Variants in DLGAP2 observed in about 807,000 individuals in gnomAD.
The protein encoded by DLGAP2 is disks large-associated protein 2.
In DLGAP2, 26 loss-of-function variants were observed where a neutral mutation model predicts 100.3. The ratio of observed to expected loss-of-function variants is 0.26; its 90% confidence interval spans 0.19 to 0.36. The LOEUF is 0.36. Among genes scored for constraint, DLGAP2 ranks in the 10% least tolerant of loss-of-function variants. The pLI, the probability that DLGAP2 is intolerant of heterozygous loss-of-function variation, is 1.00. For synonymous variants in DLGAP2, 886 were observed against 630.1 expected, an observed-to-expected ratio of 1.41 and a Z score of -6.08; for missense variants, 1,858 against 1,453.2, an observed-to-expected ratio of 1.28 and a Z score of -4.53.
chr8:851,678 C>G (rs1251613472), intron 1 of DLGAP2, among the ~76,000 whole-genome samples: 2 of 152,148 alleles, frequency 1.3e-5, no homozygotes, highest in Non-Finnish European at 2.9e-5. Flanking sequence ...AGATCAAGTG[C>G]CAGAAAGCAT....
At chr8:1,424,167 C>G (rs1252866363) in intron 3 of DLGAP2, among the ~76,000 whole-genome samples, 1 of 152,226 alleles carries the variant, frequency 6.6e-6, no homozygotes, top group Non-Finnish European at 1.5e-5. Context: ...GCAGCTATTT[C>G]TCTCTTTCAC....
chr8:1,032,501 C>G (rs931453986), intron 2 of DLGAP2: 1 of 152,236 alleles, frequency 6.6e-6, no homozygotes, highest in Non-Finnish European at 1.5e-5. Flanking sequence ...GACATGTTGG[C>G]TACATATTAC....
chr8:1,039,973 C>T (rs35040046), intron 2 of DLGAP2, among the ~76,000 whole-genome samples: 34,903 of 136,208 alleles, frequency 0.26, 4,254 homozygotes, highest in Non-Finnish European at 0.32. Context: ...TGTGCGTGGT[C>T]GGCTCGGTGT....
intron 4 of DLGAP2, among the ~76,000 whole-genome samples, chr8:1,547,472 G>A (rs558160328): frequency 3.5e-4 from 54 of 152,204 alleles, no homozygotes; most frequent in Non-Finnish European, 6.2e-4. Context: ...CAAGGAGGAG[G>A]GTCTGGGGCA....
chr8:1,480,214 G>A (rs1417947826), intron 3 of DLGAP2, among the ~76,000 whole-genome samples: 1 of 152,104 alleles, frequency 6.6e-6, no homozygotes, highest in Non-Finnish European at 1.5e-5. Context: ...AGGAAACGTG[G>A]GGCTAGATGT....
chr8:1,223,159 C>T (rs1273852086), intron 2 of DLGAP2, among the ~76,000 whole-genome samples: 14 of 152,194 alleles, frequency 9.2e-5, no homozygotes, highest in African/African-American at 2.9e-4. Context: ...CCTTAGTCCT[C>T]CCCTAGGAGT....
intron 2 of DLGAP2, among the ~76,000 whole-genome samples, chr8:1,127,046 G>A (rs116264531): frequency 1.3e-5 from 2 of 148,948 alleles, no homozygotes; most frequent in African/African-American, 5.0e-5. Context: ...CTCTTAAACG[G>A]TCCATCTGCT....
chr8:1,678,769 C>A (rs982649336), intron 12 of DLGAP2, 140 bp downstream of exon 12: 3 of 877,930 alleles, frequency 3.4e-6, no homozygotes, highest in East Asian at 3.0e-5. Context: ...TAGTATATCC[C>A]CCTCAATTCT....
At chr8:1,632,750 G>T in intron 7 of DLGAP2, 77 bp from the exon 8 acceptor site, 1 of 1,416,748 alleles carries the variant, frequency 7.1e-7, no homozygotes, top group Non-Finnish European at 9.6e-7. Context: ...GGGAATGAGC[G>T]CGCTCTCCTG....
intron 2 of DLGAP2, among the ~76,000 whole-genome samples, chr8:1,025,075 T>C (rs1361261241): frequency 6.6e-6 from 1 of 151,898 alleles, no homozygotes; most frequent in Non-Finnish European, 1.5e-5. Flanking sequence ...TGTGTGTGCA[T>C]GTGTGTGTGC....
chr8:1,407,825 G>A lies in DLGAP2; in HGVS notation c.107-93541G>A, dbSNP rs1208283747. ...GTCGTGTATTGAGTGCTTACTGAGC[G>A]CCACCTCCTCATCCTCCGGAGTCGT... On this transcript the variant is annotated intron_variant, in intron 3 of 14. Transcript: ENST00000637795. Among the ~76,000 whole-genome samples the A allele has an allele frequency of 6.2e-5, 9 of 144,342 alleles. No homozygotes were observed. In the South Asian group the frequency reaches 6.7e-4, roughly 11 times the overall value. 94.7% of individuals were successfully genotyped at this position (144,342 alleles called of 152,430 possible). A position where few individuals can be genotyped will look rare whatever the true frequency, so the allele number is the denominator to read the frequency against.
At position 1,554,921 on chromosome 8, in the gene DLGAP2, A is replaced by C. The variant is rs1302815662; in HGVS notation, c.1230+5238A>C. ...TCTCTGTATTTGTAGTTTTAGGGGCAAAAGAGGGAGAAAGGAGATTGCTGT... is the reference window on the plus strand; with the variant it reads ...TCTCTGTATTTGTAGTTTTAGGGGCCAAAGAGGGAGAAAGGAGATTGCTGT... On this transcript the variant is annotated intron_variant, in intron 5 of 14. Transcript: ENST00000637795. 2.8e-4 allele frequency among the ~76,000 whole-genome samples: 42 copies of C among 152,216 alleles called. 1 individual carries two copies. Among genetic ancestry groups the C allele is most frequent in the Admixed American group, 2.7e-3 (41 of 15,288 alleles).
At chr8:1,097,272 G>T (rs1414297863) in intron 2 of DLGAP2, among the ~76,000 whole-genome samples, 5 of 134,078 alleles carry the variant, frequency 3.7e-5, no homozygotes, top group African/African-American at 1.5e-4. Context: ...AGCTCCCTCT[G>T]CTCAGGAGAG....
At chr8:1,193,809 A>G (rs570217885) in intron 2 of DLGAP2, among the ~76,000 whole-genome samples, 87 of 151,636 alleles carry the variant, frequency 5.7e-4, no homozygotes, top group Non-Finnish European at 1.0e-3. Context: ...TGCAGCCAGC[A>G]CCTGAGACCC....
intron 3 of DLGAP2, among the ~76,000 whole-genome samples, chr8:1,443,901 T>C (rs1797909638): frequency 6.6e-6 from 1 of 152,152 alleles, no homozygotes; most frequent in Admixed American, 6.5e-5. Context: ...GTGGTACTGA[T>C]AAAAAACAAA....
At chr8:1,560,808 C>G (rs1188810829) in intron 5 of DLGAP2, among the ~76,000 whole-genome samples, 1 of 152,228 alleles carries the variant, frequency 6.6e-6, no homozygotes, top group East Asian at 1.9e-4. Flanking sequence ...GGCAAATGTA[C>G]ACCTGTTTTC....
Position 1,490,696 on chromosome 8 carries a change from C to T in DLGAP2, c.107-10670C>T, listed in dbSNP as rs199778676. On this transcript the variant is annotated intron_variant, in intron 3 of 14. Coordinates refer to ENST00000637795, the MANE Select transcript of DLGAP2 (RefSeq NM_001346810.2). ...TGGCTGTGGATTGATTCACCTGTGGCACTGTCAAATGAACTGACCTGGGCC... is the reference window on the plus strand; with the variant it reads ...TGGCTGTGGATTGATTCACCTGTGGTACTGTCAAATGAACTGACCTGGGCC... Among the ~76,000 whole-genome samples the T allele has an allele frequency of 1.5e-3, 223 of 152,282 alleles. No homozygotes were observed. In the East Asian group the frequency reaches 0.03, roughly 21 times the overall value.
At chr8:901,118 T>TA (rs34500498) in intron 1 of DLGAP2, among the ~76,000 whole-genome samples, 33 of 152,140 alleles carry the variant, frequency 2.2e-4, no homozygotes, top group South Asian at 4.2e-4. Flanking sequence ...CCCATATCTT[T>TA]AAAAAAAATT....
At chr8:1,082,165 C>T (rs984982514) in intron 2 of DLGAP2, among the ~76,000 whole-genome samples, 4 of 152,196 alleles carry the variant, frequency 2.6e-5, no homozygotes, top group Non-Finnish European at 4.4e-5. Flanking sequence ...TAAAGAACAT[C>T]TCTGTCTGTC....
Sources: gnomAD v4.1 joint callset for allele counts (sites outside exome capture counted in the v4.1 genomes callset) on GRCh38, gnomAD v4.1.1 for gene constraint, MANE v1.5 for transcripts, NCBI Gene and HGNC (gene_info 2026-07-23, HGNC 2026-07-21) for gene names.